TMEM182: variants seen among roughly 807,000 people sequenced by gnomAD.
TMEM182 encodes transmembrane protein 182.
In TMEM182, 20 loss-of-function variants were observed where a neutral mutation model predicts 26.8. The ratio of observed to expected loss-of-function variants is 0.75; its 90% CI spans 0.53 to 1.09. The LOEUF (loss-of-function observed/expected upper bound fraction) is 1.09. TMEM182 is among the 50% of genes least tolerant of loss of function. TMEM182 has a pLI of 0.00. For missense variants in TMEM182, 277 were observed against 275.5 expected (o/e 1.01, Z -0.04); for synonymous variants, 109 against 102.2 (o/e 1.07, Z -0.40).
intron 3 of TMEM182, among the ~76,000 whole-genome samples, chr2:102,839,781 G>T (rs1573584015): frequency 1.3e-5 from 2 of 152,248 alleles, no homozygotes; most frequent in East Asian, 3.9e-4. Context: ...CTGATGAATT[G>T]CCAAGGTGGT....
intron 3 of TMEM182, among the ~76,000 whole-genome samples, chr2:102,781,009 C>T (rs560054267): frequency 1.3e-5 from 2 of 152,310 alleles, no homozygotes; most frequent in African/African-American, 2.4e-5. Flanking sequence ...TCACCAGACC[C>T]AGTGCTGTTC....
chr2:102,784,769 C>T (rs949516912), intron 3 of TMEM182, among the ~76,000 whole-genome samples: 9 of 152,282 alleles, frequency 5.9e-5, no homozygotes, highest in East Asian at 3.9e-4. Context: ...AACTTGCTGA[C>T]GTTGCCATGG....
chr2:102,738,816 A>C (rs1284772773), intron 1 of TMEM182, among the ~76,000 whole-genome samples: 2 of 152,164 alleles, frequency 1.3e-5, no homozygotes. Context: ...AGTTGGTTGA[A>C]ATTTAGACTC....
chr2:102,771,491 C>CA (rs139922174), intron 3 of TMEM182, among the ~76,000 whole-genome samples: 3,850 of 152,276 alleles, frequency 0.025, 87 homozygotes, highest in Non-Finnish European at 0.035. Context: ...ACTTAAAAAT[C>CA]ACCTTTTTTC....
chr2:102,781,851 A>G (rs1681178584), intron 3 of TMEM182, among the ~76,000 whole-genome samples: 2 of 152,172 alleles, frequency 1.3e-5, no homozygotes, highest in South Asian at 4.1e-4. Context: ...ATCATTCATA[A>G]AAGGTAAGCT....
At chr2:102,800,797 TTGTGTGTGTGTGTGTGTGTGTGTG>T (rs71378190) in intron 4 of TMEM182, among the ~76,000 whole-genome samples, 2,291 of 137,870 alleles carry the variant, frequency 0.017, 68 homozygotes, top group African/African-American at 0.058. Context: ...TTTGGACAGT[TTGTGTGTGTGTGTGTGTGTGTGTG>T]TGTGTGTGTG....
chr2:102,760,721 T>C (rs1475409668), upstream of TMEM182, among the ~76,000 whole-genome samples: 1 of 152,130 alleles, frequency 6.6e-6, no homozygotes, highest in Non-Finnish European at 1.5e-5. Flanking sequence ...TTCAAGCGTT[T>C]CTTCTGTCTC....
In TMEM182 at chr2:102,815,175, G is replaced by C; in HGVS notation, c.*207G>C. On this transcript the variant is annotated 3_prime_UTR_variant, in exon 5 of 5. Transcript: ENST00000412401. Reference sequence around the variant, plus strand: ...CAAGCCTCTATCTTGTCTAAGTGCTGTCAAGGACCTAGTTCTTTAGGGAAT... The same window carrying C: ...CAAGCCTCTATCTTGTCTAAGTGCTCTCAAGGACCTAGTTCTTTAGGGAAT... The C allele has an allele frequency of 7.2e-7, 1 of 1,388,126 alleles. No individual in the cohort carries two copies. Among genetic ancestry groups the C allele is most frequent in the Non-Finnish European group, 9.3e-7 (1 of 1,075,002 alleles). The allele number at this position is 1,388,126 out of a possible 1,614,324, so 86.0% of individuals were successfully genotyped here.
At chr2:102,783,651 G>A (rs983186573) in intron 3 of TMEM182, among the ~76,000 whole-genome samples, 2 of 152,156 alleles carry the variant, frequency 1.3e-5, no homozygotes, top group Non-Finnish European at 2.9e-5. Flanking sequence ...GTGCAATGGT[G>A]TGCTCTTTTA....
Position 102,815,349 on chromosome 2 carries a change from T to C in TMEM182, c.*381T>C, listed in dbSNP as rs1350411265. 2 of 996,430 alleles carry C rather than the reference T, an allele frequency of 2.0e-6. No individual in the cohort carries two copies. The highest frequency in any genetic ancestry group is 1.2e-6 in the Non-Finnish European group (1 of 837,702). The allele number at this position is 996,430 out of a possible 1,614,324, so 61.7% of individuals were successfully genotyped here. On this transcript the variant is annotated 3_prime_UTR_variant, in exon 5 of 5. Transcript: ENST00000412401. ...ATTCACTTCTGCTAATTAAAAAAAA[T>C]CCTTGAAGAATAATTAAGAATGGGC...
intron 1 of TMEM182, among the ~76,000 whole-genome samples, chr2:102,744,303 G>A (rs139328001): frequency 1.2e-4 from 19 of 152,132 alleles, no homozygotes; most frequent in African/African-American, 3.9e-4. Context: ...CTTATAAATC[G>A]CACCTAGCTT....
intron 3 of TMEM182, among the ~76,000 whole-genome samples, chr2:102,774,095 C>G (rs1385078493): frequency 6.6e-6 from 1 of 151,974 alleles, no homozygotes; most frequent in East Asian, 1.9e-4. Flanking sequence ...ATCAACATAT[C>G]TTATCTATAC....
chr2:102,840,304 T>C (rs1055170972), intron 3 of TMEM182, among the ~76,000 whole-genome samples: 1 of 152,192 alleles, frequency 6.6e-6, no homozygotes, highest in African/African-American at 2.4e-5. Context: ...TGTGCCTAAG[T>C]GCGAAATCGC....
intron 3 of TMEM182, among the ~76,000 whole-genome samples, chr2:102,773,541 A>AG (rs11405666): frequency 0.56 from 84,680 of 150,386 alleles, 24,829 homozygotes; most frequent in African/African-American, 0.73. Context: ...ACAGAAGCGA[A>AG]GTGGACAGCT....
chr2:102,775,945 A>G (rs1202041531), intron 3 of TMEM182, among the ~76,000 whole-genome samples: 1 of 152,174 alleles, frequency 6.6e-6, no homozygotes, highest in African/African-American at 2.4e-5. Context: ...TTTCTGGAGC[A>G]ATTGTAAATA....
At chr2:102,760,274 C>T (rs756936773), upstream of TMEM182, among the ~76,000 whole-genome samples, 9 of 151,802 alleles carry the variant, frequency 5.9e-5, no homozygotes, top group Admixed American at 1.3e-4. Context: ...ATTGATGAGG[C>T]GTGGGTGATG....
chr2:102,838,013 G>T (rs1437642255), intron 3 of TMEM182, among the ~76,000 whole-genome samples: 1 of 152,192 alleles, frequency 6.6e-6, no homozygotes, highest in Non-Finnish European at 1.5e-5. Flanking sequence ...CCTTCTCAGC[G>T]CCAGGCCCTG....
chr2:102,751,449 G>A (rs1176588872), intron 1 of TMEM182, among the ~76,000 whole-genome samples: 1 of 152,142 alleles, frequency 6.6e-6, no homozygotes, highest in Non-Finnish European at 1.5e-5. Flanking sequence ...CCGCCATTTT[G>A]AACATGCATA....
chr2:102,779,936 G>A lies in TMEM182; in HGVS notation c.331+15509G>A, dbSNP rs188476971. Among the ~76,000 whole-genome samples, 1,423 of 152,308 alleles carry A rather than the reference G, an allele frequency of 9.3e-3. 10 individuals carry two copies. The highest frequency in any genetic ancestry group is 0.016 in the South Asian group (77 of 4,826). On this transcript the variant is annotated intron_variant, in intron 3 of 4. Transcript: ENST00000412401. ...GAGAATCGCCTGAACCCAGGAGGCG[G>A]AGGTTGCAGTGAGCCGAGATTGCGT...
Sources: gnomAD v4.1 joint callset for allele counts (sites outside exome capture counted in the v4.1 genomes callset) on GRCh38, gnomAD v4.1.1 for gene constraint, MANE v1.5 for transcripts, NCBI Gene and HGNC (gene_info 2026-07-23, HGNC 2026-07-21) for gene names.